SLC27A4: variants seen among roughly 807,000 people sequenced by gnomAD.
SLC27A4 encodes the protein long-chain fatty acid transport protein 4.
Under a neutral mutation model 64.4 loss-of-function variants are expected in SLC27A4, and 33 were observed. That is an observed-to-expected ratio of 0.51 (90% CI 0.39 to 0.68). The LOEUF is 0.68. Among genes scored for constraint, SLC27A4 ranks in the 30% least tolerant of loss-of-function variants. The pLI, the probability that SLC27A4 is intolerant of heterozygous loss-of-function variation, is 0.00. For synonymous variants in SLC27A4, 377 were observed against 370.0 expected, an observed-to-expected ratio of 1.02 and a Z score of -0.22; for missense variants, 824 against 883.5, an observed-to-expected ratio of 0.93 and a Z score of 0.85.
Position 128,355,124 on chromosome 9 carries a change from C to A in SLC27A4, c.1396C>A (p.Gln466Lys). 1.2e-6 allele frequency: 2 copies of A among 1,613,694 alleles called. No homozygotes were observed. Among genetic ancestry groups the A allele is most frequent in the South Asian group, 2.2e-5 (2 of 91,064 alleles). Residue 466 changes from glutamine to lysine, a missense_variant, in exon 10 of 13, where the codon CAG (glutamine) becomes AAG (lysine). Physicochemically the swap from Gln to Lys is moderately conservative, Grantham distance 53. Coordinates refer to ENST00000300456, the MANE Select transcript of SLC27A4 (RefSeq NM_005094.4). The part of the protein sequence containing the change: ...PLRRFDGYLN[Q>K]GANNKKIAKD... Reference sequence around the variant, plus strand: ...GCGCCGCTTCGATGGCTACCTCAACCAGGGCGCCAACAACAAGAAGATTGC... The same window carrying A: ...GCGCCGCTTCGATGGCTACCTCAACAAGGGCGCCAACAACAAGAAGATTGC...
chr9:128,343,081 C>T (rs1218885842), intron 1 of SLC27A4, 46 bp from the exon 2 acceptor site: 1 of 1,609,548 alleles, frequency 6.2e-7, no homozygotes, highest in South Asian at 1.1e-5. Context: ...GGTAGGAGAC[C>T]TGGAGGGTTG....
rs768990519 is a variant in SLC27A4 at position 128,355,492 on chromosome 9, C to G, written c.1557C>G (p.Thr519=). ...FRWKGENVST[T]EVEGTLSRLL... ...GGAAAGGTGAGAACGTGTCCACCAC[C>G]GAGGTGGAAGGCACACTCAGCCGCC... The change falls in exon 11 of 13, where the codon ACC becomes ACG. Residue 519 remains threonine, a synonymous_variant. Coordinates refer to ENST00000300456, the MANE Select transcript of SLC27A4 (RefSeq NM_005094.4). 1.2e-6 allele frequency: 2 copies of G among 1,613,422 alleles called. No homozygotes were observed. Among genetic ancestry groups the G allele is most frequent in the South Asian group, 1.1e-5 (1 of 91,084 alleles).
chr9:128,343,011 C>A, intron 1 of SLC27A4, 116 bp from the exon 2 acceptor site: 1 of 1,366,414 alleles, frequency 7.3e-7, no homozygotes, highest in Non-Finnish European at 1.0e-6. Flanking sequence ...CTCAGTATGG[C>A]TAAGCCTTAC....
chr9:128,352,677 T>C lies in SLC27A4; in HGVS notation c.917T>C (p.Met306Thr), dbSNP rs752648305. Residue 306 changes from methionine to threonine, a missense_variant, in exon 7 of 13, where the codon ATG (methionine) becomes ACG (threonine). Coordinates refer to ENST00000300456, the MANE Select transcript of SLC27A4 (RefSeq NM_005094.4). ...ATCGGCCAGTGCCTGCTGCATGGCA[T>C]GACGGTGGTGATTCGGAAGAAGTTC... Reference protein sequence around the residue: ...VGIGQCLLHGMTVVIRKKFSA... With the variant: ...VGIGQCLLHGTTVVIRKKFSA... The C allele has an allele frequency of 9.3e-6, 15 of 1,614,070 alleles. No homozygotes were observed. Among genetic ancestry groups the C allele is most frequent in the Non-Finnish European group, 1.2e-5 (14 of 1,180,030 alleles).
rs1832639503 is a variant in SLC27A4 at position 128,345,363 on chromosome 9, G to A, written c.370G>A (p.Ala124Thr). The change falls in exon 3 of 13, where the codon GCC becomes ACC. Residue 124 changes from alanine (A) to threonine (T), a missense_variant. Transcript: ENST00000300456. This position sits in a 1 kb window ranked among gnomAD's most constrained non-coding sequence, Gnocchi z 4.1. ...VANFLQARGL[A>T]SGDVAAIFME... is the part of the protein sequence containing the mutation. ...CAACTTCCTGCAGGCCCGGGGCCTG[G>A]CCTCGGGCGATGTGGCTGCCATCTT... 3 of 1,613,780 alleles carry A rather than the reference G, an allele frequency of 1.9e-6. No individual in the cohort carries two copies. Among genetic ancestry groups the A allele is most frequent in the Non-Finnish European group, 2.5e-6 (3 of 1,180,022 alleles).
In SLC27A4 at chr9:128,352,967, A is replaced by T. The variant is rs940532919; in HGVS notation, c.988-58A>T. The T allele has an allele frequency of 2.1e-6, 3 of 1,445,674 alleles. No homozygotes were observed. In the African/African-American group the frequency reaches 4.2e-5, roughly 20 times the overall value. 89.6% of individuals were successfully genotyped at this position (1,445,674 alleles called of 1,614,324 possible). ...AGTAGGGGCTTGAGGGATCAGGAGAATCCTAGTGTAGTGAGGGCAGCCTCT... is the reference window on the plus strand; with the variant it reads ...AGTAGGGGCTTGAGGGATCAGGAGATTCCTAGTGTAGTGAGGGCAGCCTCT... On this transcript the variant is annotated intron_variant, in intron 7 of 12. Transcript: ENST00000300456.
rs201409856 is a variant in SLC27A4, at chr9:128,355,754, C to T, written c.1732C>T (p.Arg578Cys). 52 of 1,613,846 alleles carry T rather than the reference C, an allele frequency of 3.2e-5. No individual in the cohort carries two copies. The East Asian group carries it at 6.9e-4, about 21-fold the overall frequency. ...VLEKELPLYA[R>C]PIFLRLLPEL... ...GGAGAAGGAACTGCCCCTGTATGCGCGCCCCATCTTCCTGCGCCTCCTGCC... is the reference window on the plus strand; with the variant it reads ...GGAGAAGGAACTGCCCCTGTATGCGTGCCCCATCTTCCTGCGCCTCCTGCC... The change falls in exon 12 of 13, where the codon CGC (arginine) becomes TGC (cysteine). Residue 578 changes from arginine (R) to cysteine (C), a missense_variant. Coordinates refer to ENST00000300456, the MANE Select transcript of SLC27A4 (RefSeq NM_005094.4).
intron 1 of SLC27A4, chr9:128,342,293 C>G (rs1832586390): frequency 6.2e-7 from 1 of 1,611,486 alleles, no homozygotes; most frequent in Admixed American, 1.7e-5. Context: ...CTGAAGAAGA[C>G]AGAGATGCAA....
intron 6 of SLC27A4, 84 bp from the exon 7 acceptor site, chr9:128,352,554 C>T (rs186024770): frequency 9.0e-7 from 1 of 1,109,134 alleles, no homozygotes; most frequent in East Asian, 2.4e-5. Flanking sequence ...ACAAGCCTGC[C>T]TGGCTGGATG....
chr9:128,342,283 C>T (rs1464462407), intron 1 of SLC27A4: 2 of 1,611,580 alleles, frequency 1.2e-6, no homozygotes, highest in Non-Finnish European at 1.7e-6. Context: ...TAAGTCGAAA[C>T]TGAAGAAGAC....
At chr9:128,349,342 G>A (rs775724316) in intron 4 of SLC27A4, among the ~76,000 whole-genome samples, 1 of 152,132 alleles carries the variant, frequency 6.6e-6, no homozygotes, top group Non-Finnish European at 1.5e-5. Flanking sequence ...TCCTTTGTGT[G>A]AACCCTGACA....
intron 3 of SLC27A4, among the ~76,000 whole-genome samples, chr9:128,346,017 C>A (rs1422242124): frequency 1.3e-5 from 2 of 152,014 alleles, no homozygotes. Context: ...CCCTCCACCT[C>A]AGCCTCCTGA....
Position 128,345,182 on chromosome 9 carries a change from G to C in SLC27A4, c.189G>C (p.Lys63Asn), listed in dbSNP as rs1270812749. Residue 63 changes from lysine (K) to asparagine (N), a missense_variant, in exon 3 of 13, where the codon AAG becomes AAC. By Grantham distance (94) the Lys-to-Asn change is moderately conservative. Coordinates refer to ENST00000300456, the MANE Select transcript of SLC27A4 (RefSeq NM_005094.4). The surrounding 1 kb of genome is among the most constrained non-coding windows in gnomAD (Gnocchi z 4.1). ...GCGGCCTGGTCCTCCTGAAGGTGAA[G>C]GCAAAGGTGCGACAGTGCCTGCAGG... ...IFGGLVLLKVKAKVRQCLQER... is the reference protein window; with the variant it reads ...IFGGLVLLKVNAKVRQCLQER... The C allele has an allele frequency of 6.2e-7, 1 of 1,613,342 alleles. No homozygotes were observed. The highest frequency in any genetic ancestry group is 2.2e-5 in the East Asian group (1 of 44,892).
chr9:128,355,690 C>T lies in SLC27A4; in HGVS notation c.1668C>T (p.Pro556=). The T allele has an allele frequency of 1.2e-6, 2 of 1,612,860 alleles. No individual in the cohort carries two copies. Among genetic ancestry groups the T allele is most frequent in the Non-Finnish European group, 1.7e-6 (2 of 1,180,030 alleles). The change falls in exon 12 of 13, where the codon CCC becomes CCT. Residue 556 remains proline, a synonymous_variant. Coordinates refer to ENST00000300456, the MANE Select transcript of SLC27A4 (RefSeq NM_005094.4). The stretch of plus-strand genomic sequence containing the variant: ...CCGGAATGGCTGCTGTGGCCAGCCC[C>T]ACTGGCAACTGTGACCTGGAGCGCT... ...GRAGMAAVAS[P]TGNCDLERFA... is the part of the protein sequence containing the mutation.
Position 128,350,278 on chromosome 9 carries a change from G to A in SLC27A4, c.716-34G>A, listed in dbSNP as rs760393891. On this transcript the variant is annotated intron_variant, in intron 4 of 12. Coordinates refer to ENST00000300456, the MANE Select transcript of SLC27A4 (RefSeq NM_005094.4). Reference sequence around the variant, plus strand: ...GTGACCCTTTGCCCAGCCCTGAGCTGCCCCCGACAGCCACTCGCGTCTGTT... The same window carrying A: ...GTGACCCTTTGCCCAGCCCTGAGCTACCCCCGACAGCCACTCGCGTCTGTT... 6.9e-6 allele frequency: 11 copies of A among 1,599,872 alleles called. No homozygotes were observed. In the East Asian group the frequency reaches 2.0e-4, roughly 29 times the overall value.
chr9:128,342,146 C>A, intron 1 of SLC27A4: 1 of 998,292 alleles, frequency 1.0e-6, no homozygotes, highest in East Asian at 2.4e-5. Flanking sequence ...TCTTAGAACA[C>A]GTCTCAGGAC....
chr9:128,354,348 G>C (rs1832785456), intron 9 of SLC27A4, among the ~76,000 whole-genome samples: 1 of 152,156 alleles, frequency 6.6e-6, no homozygotes, highest in Non-Finnish European at 1.5e-5. Context: ...CGAGTATTCA[G>C]CCTCACTGTG....
intron 6 of SLC27A4, among the ~76,000 whole-genome samples, chr9:128,351,384 G>A (rs771895578): frequency 1.3e-5 from 2 of 151,890 alleles, no homozygotes; most frequent in African/African-American, 2.4e-5. Context: ...CTGAGATCAC[G>A]CCACTGCACT....
At chr9:128,344,130 C>T (rs1832618279) in intron 2 of SLC27A4, among the ~76,000 whole-genome samples, 1 of 152,136 alleles carries the variant, frequency 6.6e-6, no homozygotes, top group Non-Finnish European at 1.5e-5. Context: ...TCAGAGAAGG[C>T]CTCCTGGAGA....
Sources: gnomAD v4.1 joint callset for allele counts (sites outside exome capture counted in the v4.1 genomes callset) on GRCh38, gnomAD v4.1.1 for gene constraint, Gnocchi (gnomAD v3.1) non-coding constraint, MANE v1.5 for transcripts, NCBI Gene and HGNC (gene_info 2026-07-23, HGNC 2026-07-21) for gene names.